The following CNOT1 variants were observed in gnomAD, a reference collection of about 807,000 sequenced individuals.
The protein encoded by CNOT1 is CCR4-associated factor 1.
CNOT1 carries 15 observed loss-of-function variants against 273.8 expected under a neutral mutation model. The ratio of observed to expected loss-of-function variants is 0.05; its 90% confidence interval spans 0.04 to 0.08. CNOT1 has a LOEUF of 0.08. CNOT1 is among the 10% of genes least tolerant of loss of function. CNOT1 has a pLI of 1.00. For missense variants in CNOT1, 1,644 were observed against 2,912.2 expected (o/e 0.56, Z 10.02); for synonymous variants, 1,022 against 1,005.5 (o/e 1.02, Z -0.31).
chr16:58,589,011 C>T (rs1346037839), intron 2 of CNOT1, 105 bp from the exon 3 acceptor site: 5 of 1,309,922 alleles, frequency 3.8e-6, no homozygotes, highest in Non-Finnish European at 5.2e-6. Context: ...TTCCAATTTA[C>T]ATTAGTTACT....
intron 2 of CNOT1, among the ~76,000 whole-genome samples, chr16:58,593,057 A>T (rs985756238): frequency 1.3e-5 from 2 of 152,192 alleles, no homozygotes; most frequent in Admixed American, 1.3e-4. Context: ...AAAAGTAAAA[A>T]CACAAAGAAT....
chr16:58,532,494 TAAAGG>T lies in CNOT1; in HGVS notation c.5896-104_5896-100del, dbSNP rs1261403653. 6.6e-6 allele frequency: 10 copies of T among 1,504,138 alleles called. No homozygotes were observed. The East Asian group carries it at 2.3e-4, about 35-fold the overall frequency. The allele number at this position is 1,504,138 out of a possible 1,614,324, so 93.2% of individuals were successfully genotyped here. On this transcript the variant is annotated intron_variant, in intron 40 of 48. Transcript: ENST00000317147. Reference sequence around the variant, plus strand: ...AACTTTGCATTCTTAAACCCAACATTAAAGGAAAGCATATATACAATTTGAATACA... The same window carrying T: ...AACTTTGCATTCTTAAACCCAACATTAAAGCATATATACAATTTGAATACA...
At chr16:58,614,243 G>C (rs1279214986) in intron 1 of CNOT1, among the ~76,000 whole-genome samples, 2 of 124,448 alleles carry the variant, frequency 1.6e-5, no homozygotes, top group African/African-American at 5.4e-5. Context: ...TAGATGGCCC[G>C]AGCCTGCTGT....
At chr16:58,564,448 G>A (rs1339940445) in intron 16 of CNOT1, among the ~76,000 whole-genome samples, 1 of 152,038 alleles carries the variant, frequency 6.6e-6, no homozygotes, top group Non-Finnish European at 1.5e-5. Flanking sequence ...AATCCAAAAT[G>A]CCTTCAATTG....
At chr16:58,565,908 C>A (rs1337156055) in intron 16 of CNOT1, among the ~76,000 whole-genome samples, 1 of 150,438 alleles carries the variant, frequency 6.6e-6, no homozygotes, top group Non-Finnish European at 1.5e-5. Flanking sequence ...CCACTGCATT[C>A]CAGCCTGGGC....
intron 1 of CNOT1, among the ~76,000 whole-genome samples, chr16:58,625,877 A>AC (rs2043556828): frequency 1.4e-5 from 2 of 145,870 alleles, no homozygotes; most frequent in East Asian, 4.0e-4. Context: ...AAAAAAAAAA[A>AC]CTATTGTATA....
chr16:58,596,466 T>C (rs999464446), intron 2 of CNOT1, among the ~76,000 whole-genome samples: 1 of 152,120 alleles, frequency 6.6e-6, no homozygotes, highest in Non-Finnish European at 1.5e-5. Flanking sequence ...GGAATTGATG[T>C]ACGATGGAGT....
At position 58,576,445 on chromosome 16, in the gene CNOT1, C is replaced by T; in HGVS notation, c.1704+18G>A. 2 of 1,613,778 alleles carry T rather than the reference C, an allele frequency of 1.2e-6. No individual in the cohort carries two copies. Among genetic ancestry groups the T allele is most frequent in the African/African-American group, 1.3e-5 (1 of 74,974 alleles). On this transcript the variant is annotated intron_variant, in intron 14 of 48. Transcript: ENST00000317147. ...CATTAGTAAATAAACTGGTGTCAGT[C>T]TGTCCCTCTGAACTCACCTTCAAGT...
chr16:58,597,732 G>A, intron 2 of CNOT1: 1 of 514,850 alleles, frequency 1.9e-6, no homozygotes, highest in Non-Finnish European at 4.0e-6. Context: ...AGGAGGGTGT[G>A]ATGGTGGCCC....
intron 19 of CNOT1, 34 bp downstream of exon 19, chr16:58,556,813 A>G: frequency 6.2e-7 from 1 of 1,605,750 alleles, no homozygotes; most frequent in Non-Finnish European, 8.5e-7. Context: ...TTTATCAGTC[A>G]CACTTCACAA....
intron 1 of CNOT1, among the ~76,000 whole-genome samples, chr16:58,621,564 C>T (rs369341733): frequency 2.6e-5 from 4 of 151,230 alleles, no homozygotes; most frequent in African/African-American, 9.7e-5. Flanking sequence ...TGAGCCACCA[C>T]GCCTGGCAAC....
At chr16:58,622,970 G>GA (rs2043408209) in intron 1 of CNOT1, among the ~76,000 whole-genome samples, 1 of 152,084 alleles carries the variant, frequency 6.6e-6, no homozygotes, top group Admixed American at 6.6e-5. Flanking sequence ...GGCCAAGGCA[G>GA]GCAGATCACC....
In CNOT1 at chr16:58,545,344, G is replaced by T; in HGVS notation, c.4137+17C>A. The T allele has an allele frequency of 6.2e-7, 1 of 1,610,604 alleles. No individual in the cohort carries two copies. Among genetic ancestry groups the T allele is most frequent in the South Asian group, 1.1e-5 (1 of 90,138 alleles). On this transcript the variant is annotated intron_variant, in intron 30 of 48. Coordinates refer to ENST00000317147, the MANE Select transcript of CNOT1 (RefSeq NM_016284.5). ...TCACAAACTAGAAGCTGGGAGAATG[G>T]AGCAGTGTTTACTTACTGTTGGATT...
intron 31 of CNOT1, chr16:58,543,377 A>C (rs540954459): frequency 6.5e-7 from 1 of 1,541,874 alleles, no homozygotes; most frequent in Admixed American, 2.0e-5. Flanking sequence ...TTGGGTATCT[A>C]CTATCTGTCA....
chr16:58,540,680 G>C (rs2040066148), intron 34 of CNOT1, among the ~76,000 whole-genome samples: 1 of 152,156 alleles, frequency 6.6e-6, no homozygotes, highest in Admixed American at 6.5e-5. Context: ...AAGGTTATTA[G>C]TATTCATTTC....
chr16:58,547,083 T>C lies in CNOT1; in HGVS notation c.3750+103A>G. The stretch of plus-strand genomic sequence containing the variant: ...TGCCATAGAGGAAAACAGACTTAAC[T>C]AGCTTTACCTCACAAGAACTAAGAA... On this transcript the variant is annotated intron_variant, in intron 27 of 48. Coordinates refer to ENST00000317147, the MANE Select transcript of CNOT1 (RefSeq NM_016284.5). The surrounding 1 kb of genome is among the most constrained non-coding windows in gnomAD (Gnocchi z 4.0). The C allele has an allele frequency of 7.0e-7, 1 of 1,437,918 alleles. No individual in the cohort carries two copies. The highest frequency in any genetic ancestry group is 1.5e-5 in the South Asian group (1 of 65,416). 89.1% of individuals were successfully genotyped at this position (1,437,918 alleles called of 1,614,324 possible).
intron 16 of CNOT1, among the ~76,000 whole-genome samples, chr16:58,564,395 CAG>C (rs2040965937): frequency 6.6e-6 from 1 of 151,878 alleles, no homozygotes; most frequent in Non-Finnish European, 1.5e-5. Flanking sequence ...GTTAGAAAAA[CAG>C]GGTACCAAGC....
At position 58,609,844 on chromosome 16, in the gene CNOT1, TA is replaced by T. The variant is rs960243545; in HGVS notation, c.-174-10334del. ...ATCCTTCTGGGATCACTTAGGGTGATATATATATATATCATATTATATATAA... is the reference window on the plus strand; with the variant it reads ...ATCCTTCTGGGATCACTTAGGGTGATTATATATATATCATATTATATATAA... On this transcript the variant is annotated intron_variant, in intron 1 of 48. Coordinates refer to ENST00000317147, the MANE Select transcript of CNOT1 (RefSeq NM_016284.5). Among the ~76,000 whole-genome samples the T allele has an allele frequency of 3.7e-3, 559 of 150,144 alleles. 2 individuals are homozygous for T. Among genetic ancestry groups the T allele is most frequent in the African/African-American group, 0.013 (545 of 41,180 alleles).
chr16:58,605,946 G>C (rs771671569), intron 1 of CNOT1, among the ~76,000 whole-genome samples: 10 of 152,068 alleles, frequency 6.6e-5, no homozygotes, highest in Admixed American at 6.6e-5. Flanking sequence ...ATGAGCCACG[G>C]TACCCAGCCA....
Sources: gnomAD v4.1 joint callset for allele counts (sites outside exome capture counted in the v4.1 genomes callset) on GRCh38, gnomAD v4.1.1 for gene constraint, Gnocchi (gnomAD v3.1) non-coding constraint, MANE v1.5 for transcripts, NCBI Gene and HGNC (gene_info 2026-07-23, HGNC 2026-07-21) for gene names.